Variants in C2orf81 observed in about 807,000 individuals in gnomAD.
C2orf81 encodes the protein chromosome 2 open reading frame 81, also known as uncharacterized protein C2orf81.
A neutral mutation model predicts 7.9 loss-of-function variants in C2orf81; 5 were observed. The ratio of observed to expected loss-of-function variants is 0.63; its 90% CI spans 0.33 to 1.33. The LOEUF (loss-of-function observed/expected upper bound fraction) is 1.33, where lower values mean the gene tolerates loss of function less well. C2orf81 is among the 40% of genes most tolerant of loss of function. The pLI is 0.05. For missense variants in C2orf81, 781 were observed against 830.4 expected, an observed-to-expected ratio of 0.94 and a Z score of 0.73; for synonymous variants, 346 against 367.4, an observed-to-expected ratio of 0.94 and a Z score of 0.66.
In C2orf81 at chr2:74,414,330, C is replaced by A; in HGVS notation, c.1847G>T (p.Ter616LeuextTer2). 6.8e-7 allele frequency: 1 copy of A among 1,479,340 alleles called. No individual in the cohort carries two copies. The highest frequency in any genetic ancestry group is 1.4e-5 in the South Asian group (1 of 72,250). The allele number at this position is 1,479,340 out of a possible 1,614,324, so 91.6% of individuals were successfully genotyped here. ...PIQTGAPKPR[*>L] ...AGTTCTTCATTAGCTGTGCTACGGT[C>A]ACCTGGGCTTTGGGGCACCTGTCTG... Residue 616 changes from the stop codon to leucine (L), a stop_lost, in exon 3 of 3, where the codon TGA (stop) becomes TTA (leucine). Coordinates refer to ENST00000684111, the MANE Select transcript of C2orf81 (RefSeq NM_001316764.3). The surrounding 1 kb of genome is among the most constrained non-coding windows in gnomAD (Gnocchi z 5.3).
intron 1 of C2orf81, chr2:74,417,535 G>A (rs375886868): frequency 7.1e-6 from 8 of 1,129,616 alleles, no homozygotes; most frequent in East Asian, 5.0e-5. Flanking sequence ...CCTAGTGCAG[G>A]GACTAGGGAA....
chr2:74,420,772 C>CT (rs745827470), intron 1 of C2orf81, among the ~76,000 whole-genome samples: 2,946 of 72,716 alleles, frequency 0.041, 436 homozygotes, highest in East Asian at 0.27. Context: ...TCTTCTTCTT[C>CT]TTTTTTTTTT....
chr2:74,415,932 G>A lies in C2orf81; in HGVS notation c.250-5C>T, dbSNP rs969554131. ...GCTGATGGTGAATGGAATGCACTGCGGAGGCGAGAGAGGATCTCAGGTCGG... is the reference window on the plus strand; with the variant it reads ...GCTGATGGTGAATGGAATGCACTGCAGAGGCGAGAGAGGATCTCAGGTCGG... On this transcript the variant is annotated splice_polypyrimidine_tract_variant and splice_region_variant and intron_variant, in intron 2 of 2. Transcript: ENST00000684111. The surrounding 1 kb of genome is among the most constrained non-coding windows in gnomAD (Gnocchi z 5.5). The A allele has an allele frequency of 5.8e-6, 9 of 1,547,248 alleles. No homozygotes were observed. The highest frequency in any genetic ancestry group is 3.9e-5 in the Admixed American group (2 of 50,926).
intron 1 of C2orf81, chr2:74,418,062 G>A (rs1295057828): frequency 3.7e-6 from 2 of 545,812 alleles, no homozygotes; most frequent in Non-Finnish European, 3.4e-6. Flanking sequence ...TAGGGAAGGG[G>A]TGGGGGGTGG....
chr2:74,420,762 TC>T lies in C2orf81; in HGVS notation c.18+780del, dbSNP rs542704540. On this transcript the variant is annotated intron_variant, in intron 1 of 2. Coordinates refer to ENST00000684111, the MANE Select transcript of C2orf81 (RefSeq NM_001316764.3). ...AAAGGCTCTTCAAATCCGTTTTCTT[TC>T]TTCTTCTTCTTTTTTTTTTTTTTTT... Among the ~76,000 whole-genome samples, 5 of 145,052 alleles carry T rather than the reference TC, an allele frequency of 3.4e-5. No homozygotes were observed. The South Asian group carries it at 1.1e-3, about 31-fold the overall frequency.
chr2:74,417,771 T>C, intron 1 of C2orf81: 1 of 509,962 alleles, frequency 2.0e-6, no homozygotes, highest in Non-Finnish European at 3.5e-6. Flanking sequence ...GAGAAGTGGC[T>C]CCCAAACCAA....
In C2orf81 at chr2:74,415,160, G is replaced by A; in HGVS notation, c.1017C>T (p.Gly339=). ...AGGACGCGGAGGGGCGGGTGGCGCCGCCCACAGAGGGGTAGGACACCAACA... is the reference window on the plus strand; with the variant it reads ...AGGACGCGGAGGGGCGGGTGGCGCCACCCACAGAGGGGTAGGACACCAACA... The part of the protein sequence containing the change: ...SGVLVSYPSV[G]GATRPSASCQ... Residue 339 remains glycine (G), a synonymous_variant, in exon 3 of 3, where the codon GGC becomes GGT. Coordinates refer to ENST00000684111, the MANE Select transcript of C2orf81 (RefSeq NM_001316764.3). This position sits in a 1 kb window ranked among gnomAD's most constrained non-coding sequence, Gnocchi z 5.5. 2 of 1,535,668 alleles carry A rather than the reference G, an allele frequency of 1.3e-6. No homozygotes were observed. Among genetic ancestry groups the A allele is most frequent in the Non-Finnish European group, 1.8e-6 (2 of 1,139,406 alleles).
In C2orf81 at chr2:74,414,602, A is replaced by G; in HGVS notation, c.1575T>C (p.Pro525=). 1.3e-6 allele frequency: 2 copies of G among 1,549,432 alleles called. No individual in the cohort carries two copies. Among genetic ancestry groups the G allele is most frequent in the Non-Finnish European group, 1.7e-6 (2 of 1,145,610 alleles). ...TGTCTGCCAGCTCCAGACCCTGTGGAGGCACGCGGGTCCGGCCAGCCCACA... is the reference window on the plus strand; with the variant it reads ...TGTCTGCCAGCTCCAGACCCTGTGGGGGCACGCGGGTCCGGCCAGCCCACA... ...GELWAGRTRV[P]PQGLELADRE... Residue 525 remains proline (P), a synonymous_variant, in exon 3 of 3, where the codon CCT becomes CCC. Coordinates refer to ENST00000684111, the MANE Select transcript of C2orf81 (RefSeq NM_001316764.3). The surrounding 1 kb of genome is among the most constrained non-coding windows in gnomAD (Gnocchi z 5.3).
Position 74,415,503 on chromosome 2 carries a change from G to A in C2orf81, c.674C>T (p.Pro225Leu). The change falls in exon 3 of 3, where the codon CCT (proline) becomes CTT (leucine). Residue 225 changes from proline to leucine, a missense_variant. Physicochemically the swap from Pro to Leu is moderately conservative, Grantham distance 98. Coordinates refer to ENST00000684111, the MANE Select transcript of C2orf81 (RefSeq NM_001316764.3). This position sits in a 1 kb window ranked among gnomAD's most constrained non-coding sequence, Gnocchi z 5.5. ...SPQLRVTSAP[P>L]PTSELFQEAG... ...CTCCTGAAACAGCTCTGATGTGGGA[G>A]GAGGGGCCGACGTGACTCTCAGCTG... 1 of 1,544,516 alleles carries A rather than the reference G, an allele frequency of 6.5e-7. No homozygotes were observed. Among genetic ancestry groups the A allele is most frequent in the African/African-American group, 1.4e-5 (1 of 73,010 alleles).
intron 1 of C2orf81, 22 bp from the exon 2 acceptor site, chr2:74,416,263 A>T (rs1428166798): frequency 7.6e-7 from 1 of 1,321,388 alleles, no homozygotes; most frequent in Non-Finnish European, 9.9e-7. Context: ...AAACATGGCA[A>T]TCAGAGCAGG....
At position 74,414,853 on chromosome 2, in the gene C2orf81, G is replaced by A; in HGVS notation, c.1324C>T (p.Pro442Ser). The change falls in exon 3 of 3, where the codon CCT (proline) becomes TCT (serine). Residue 442 changes from proline to serine, a missense_variant. Coordinates refer to ENST00000684111, the MANE Select transcript of C2orf81 (RefSeq NM_001316764.3). The surrounding 1 kb of genome is among the most constrained non-coding windows in gnomAD (Gnocchi z 5.3). ...GGGCCCGAGTCCAAGTCACGGAAAG[G>A]AATGCCTGGCCGGAGAGGGAAGAAC... Reference protein sequence around the residue: ...AAFFPLRPGIPFRDLDSGPAL... With the variant: ...AAFFPLRPGISFRDLDSGPAL... The A allele has an allele frequency of 6.4e-7, 1 of 1,551,136 alleles. No individual in the cohort carries two copies. The highest frequency in any genetic ancestry group is 8.7e-7 in the Non-Finnish European group (1 of 1,146,586).
In C2orf81 at chr2:74,414,225, G is replaced by T; in HGVS notation, c.*104C>A. ...TTTATTTCTGGCTAGCAGAGGGAGG[G>T]ACCAGTTACTACTGCCAGAGGCTCA... is the stretch of plus-strand genomic sequence containing the variant. On this transcript the variant is annotated 3_prime_UTR_variant, in exon 3 of 3. Transcript: ENST00000684111. The surrounding 1 kb of genome is among the most constrained non-coding windows in gnomAD (Gnocchi z 5.3). The T allele has an allele frequency of 8.6e-7, 1 of 1,169,432 alleles. No homozygotes were observed. Among genetic ancestry groups the T allele is most frequent in the Non-Finnish European group, 1.1e-6 (1 of 884,668 alleles). The allele number at this position is 1,169,432 out of a possible 1,614,324, so 72.4% of individuals were successfully genotyped here.
Position 74,416,235 on chromosome 2 carries a change from C to T in C2orf81, c.25G>A (p.Glu9Lys), listed in dbSNP as rs979628528. 5.8e-6 allele frequency: 8 copies of T among 1,370,702 alleles called. No homozygotes were observed. Among genetic ancestry groups the T allele is most frequent in the Non-Finnish European group, 7.7e-6 (8 of 1,037,588 alleles). 84.9% of individuals were successfully genotyped at this position (1,370,702 alleles called of 1,614,324 possible). The change falls in exon 2 of 3, where the codon GAG becomes AAG. Residue 9 changes from glutamate to lysine, a missense_variant. Physicochemically the swap from Glu to Lys is moderately conservative, Grantham distance 56. Coordinates refer to ENST00000684111, the MANE Select transcript of C2orf81 (RefSeq NM_001316764.3). Reference sequence around the variant, plus strand: ...ACCCCGCGGTCTCGGACCTGCCTCTCCTGCCTCTGTGAGAACAAAACATGG... The same window carrying T: ...ACCCCGCGGTCTCGGACCTGCCTCTTCTGCCTCTGTGAGAACAAAACATGG... MAHEGSRQ[E>K]RQVRDRGVTR...
Position 74,414,480 on chromosome 2 carries a change from G to A in C2orf81, c.1697C>T (p.Ala566Val). The A allele has an allele frequency of 6.4e-7, 1 of 1,550,900 alleles. No homozygotes were observed. Among genetic ancestry groups the A allele is most frequent in the Non-Finnish European group, 8.7e-7 (1 of 1,146,462 alleles). The change falls in exon 3 of 3, where the codon GCC becomes GTC. Residue 566 changes from alanine (A) to valine (V), a missense_variant. Coordinates refer to ENST00000684111, the MANE Select transcript of C2orf81 (RefSeq NM_001316764.3). The surrounding 1 kb of genome is among the most constrained non-coding windows in gnomAD (Gnocchi z 5.3). ...VMWKPVLLPE[A>V]LKLAPGVSMW... is the part of the protein sequence containing the mutation. ...GCTCACACCAGGGGCCAGCTTCAGGGCTTCTGGCAGCAACACGGGCTTCCA... is the reference window on the plus strand; with the variant it reads ...GCTCACACCAGGGGCCAGCTTCAGGACTTCTGGCAGCAACACGGGCTTCCA...
rs1299882183 is a variant in C2orf81 at position 74,415,389 on chromosome 2, G to T, written c.788C>A (p.Ser263Ter). ...AGSLSASFQL[S>*]VEEAPADDAD... is the part of the protein sequence containing the mutation. The stretch of plus-strand genomic sequence containing the variant: ...ATCGTCGGCAGGCGCCTCCTCCACC[G>T]ACAGTTGGAAGCTCGCGCTCAAGGA... The change falls in exon 3 of 3, where the codon TCG (serine) becomes TAG (stop). Residue 263 changes from serine (S) to a stop codon, truncating the protein, a stop_gained. Transcript: ENST00000684111. LOFTEE classifies it low-confidence loss of function (END_TRUNC). This position sits in a 1 kb window ranked among gnomAD's most constrained non-coding sequence, Gnocchi z 5.5. 2 of 1,521,626 alleles carry T rather than the reference G, an allele frequency of 1.3e-6. No individual in the cohort carries two copies. Among genetic ancestry groups the T allele is most frequent in the South Asian group, 2.5e-5 (2 of 81,074 alleles). The allele number at this position is 1,521,626 out of a possible 1,614,324, so 94.3% of individuals were successfully genotyped here. A position where few individuals can be genotyped will look rare whatever the true frequency, so the allele number is the denominator to read the frequency against.
rs763631623 is a variant in C2orf81 at position 74,415,649 on chromosome 2, C to T, written c.528G>A (p.Pro176=). Reference sequence around the variant, plus strand: ...GAAATGCACTCGGGCAGTGAGATGTCGGAAAGGGGAGAGCAGGAGCAATGG... The same window carrying T: ...GAAATGCACTCGGGCAGTGAGATGTTGGAAAGGGGAGAGCAGGAGCAATGG... ...SSAIAPALPF[P]TSHCPSAFPQ... is the part of the protein sequence containing the mutation. The change falls in exon 3 of 3, where the codon CCG becomes CCA. Residue 176 remains proline (P), a synonymous_variant. Transcript: ENST00000684111. This position sits in a 1 kb window ranked among gnomAD's most constrained non-coding sequence, Gnocchi z 5.5. The T allele has an allele frequency of 6.4e-7, 1 of 1,551,028 alleles. No homozygotes were observed. Among genetic ancestry groups the T allele is most frequent in the Non-Finnish European group, 8.7e-7 (1 of 1,147,002 alleles).
Position 74,414,839 on chromosome 2 carries a change from C to G in C2orf81, c.1338G>C (p.Leu446Phe). ...PLRPGIPFRD[L>F]DSGPALLFPT... ...GGAACAGGAGTGCGGGGCCCGAGTC[C>G]AAGTCACGGAAAGGAATGCCTGGCC... The change falls in exon 3 of 3, where the codon TTG becomes TTC. Residue 446 changes from leucine to phenylalanine, a missense_variant. Coordinates refer to ENST00000684111, the MANE Select transcript of C2orf81 (RefSeq NM_001316764.3). This position sits in a 1 kb window ranked among gnomAD's most constrained non-coding sequence, Gnocchi z 5.3. 6.4e-7 allele frequency: 1 copy of G among 1,551,326 alleles called. No homozygotes were observed. Among genetic ancestry groups the G allele is most frequent in the African/African-American group, 1.4e-5 (1 of 73,158 alleles).
Position 74,415,703 on chromosome 2 carries a change from G to A in C2orf81, c.474C>T (p.His158=). 1.9e-6 allele frequency: 3 copies of A among 1,551,584 alleles called. No homozygotes were observed. Among genetic ancestry groups the A allele is most frequent in the East Asian group, 2.4e-5 (1 of 40,924 alleles). Residue 158 remains histidine (H), a synonymous_variant, in exon 3 of 3, where the codon CAC becomes CAT. Coordinates refer to ENST00000684111, the MANE Select transcript of C2orf81 (RefSeq NM_001316764.3). This position sits in a 1 kb window ranked among gnomAD's most constrained non-coding sequence, Gnocchi z 5.5. ...EGLENFQGEV[H]SSGASPDSSA... is the part of the protein sequence containing the mutation. ...AGGAGTCCGGAGAGGCTCCTGAGGA[G>A]TGTACTTCGCCTTGGAAGTTCTCCA...
chr2:74,415,067 C>T lies in C2orf81; in HGVS notation c.1110G>A (p.Lys370=), dbSNP rs1272010943. The T allele has an allele frequency of 6.5e-7, 1 of 1,548,104 alleles. No individual in the cohort carries two copies. The highest frequency in any genetic ancestry group is 8.7e-7 in the Non-Finnish European group (1 of 1,145,688). ...CAGGGTCCAGGCGTTTCACGGCCGCCTTGCGGCGCATCCTGTGGTGGTGGG... is the reference window on the plus strand; with the variant it reads ...CAGGGTCCAGGCGTTTCACGGCCGCTTTGCGGCGCATCCTGTGGTGGTGGG... ...LSAHHHRMRR[K]AAVKRLDPAR... is the part of the protein sequence containing the mutation. Residue 370 remains lysine, a synonymous_variant, in exon 3 of 3, where the codon AAG becomes AAA. Coordinates refer to ENST00000684111, the MANE Select transcript of C2orf81 (RefSeq NM_001316764.3). The surrounding 1 kb of genome is among the most constrained non-coding windows in gnomAD (Gnocchi z 5.5).
Sources: gnomAD v4.1 joint callset for allele counts (sites outside exome capture counted in the v4.1 genomes callset) on GRCh38, gnomAD v4.1.1 for gene constraint, Gnocchi (gnomAD v3.1) non-coding constraint, MANE v1.5 for transcripts, NCBI Gene and HGNC (gene_info 2026-07-23, HGNC 2026-07-21) for gene names.